Variants in STK3 observed in about 807,000 individuals in gnomAD.
STK3 encodes serine/threonine kinase 3.
Under a neutral mutation model 58.0 loss-of-function variants are expected in STK3, and 41 were observed. The ratio of observed to expected loss-of-function variants is 0.71; its 90% CI spans 0.55 to 0.92. The LOEUF is 0.92. Among genes scored for constraint, STK3 ranks in the 40% least tolerant of loss-of-function variants. The probability of loss-of-function intolerance (pLI) is 0.00; values close to 1 mark genes in which losing one functional copy is unlikely to be tolerated. For missense variants in STK3, 479 were observed against 602.7 expected (o/e 0.79, Z 2.15); for synonymous variants, 170 against 191.0 (o/e 0.89, Z 0.91).
rs796734211 is a variant in STK3 at position 98,935,890 on chromosome 8, GTTAT to G, written c.-79+6484_-79+6487del. Among the ~76,000 whole-genome samples the G allele has an allele frequency of 4.7e-4, 71 of 152,048 alleles. 1 individual carries two copies. The highest frequency in any genetic ancestry group is 1.4e-3 in the African/African-American group (60 of 41,494). Reference sequence around the variant, plus strand: ...ACTAAGAGCATTAATATGGATCCATGTTATTTATTTATTTATTTTTGTTTTTATT... The same window carrying G: ...ACTAAGAGCATTAATATGGATCCATGTTATTTATTTATTTTTGTTTTTATT... On this transcript the variant is annotated intron_variant, in intron 1 of 1. Coordinates refer to the STK3 transcript ENST00000519420.
chr8:98,537,778 CA>C (rs1809892092), intron 9 of STK3, among the ~76,000 whole-genome samples: 1 of 151,974 alleles, frequency 6.6e-6, no homozygotes, highest in African/African-American at 2.4e-5. Flanking sequence ...AACCTATTAG[CA>C]ATAAAGAATA....
At chr8:98,729,079 C>T (rs2131233997) in intron 4 of STK3, among the ~76,000 whole-genome samples, 1 of 152,178 alleles carries the variant, frequency 6.6e-6, no homozygotes, top group East Asian at 1.9e-4. Flanking sequence ...CACTGCTTGA[C>T]TCTTTTATTT....
At chr8:98,730,797 G>C (rs1481146413) in intron 4 of STK3, among the ~76,000 whole-genome samples, 2 of 150,462 alleles carry the variant, frequency 1.3e-5, no homozygotes, top group Non-Finnish European at 3.0e-5. Flanking sequence ...GGGTACTCTT[G>C]AATCAGAATA....
In STK3 at chr8:98,926,287, C is replaced by G. The variant is rs535221124; in HGVS notation, c.-79+16091G>C. Among the ~76,000 whole-genome samples, 302 of 152,236 alleles carry G rather than the reference C, an allele frequency of 2.0e-3. 1 individual carries two copies. The highest frequency in any genetic ancestry group is 6.9e-3 in the African/African-American group (288 of 41,528). On this transcript the variant is annotated intron_variant, in intron 1 of 1. Transcript: ENST00000519420. Reference sequence around the variant, plus strand: ...AGATCACATTTGCAGCTGCTTTTATCTGCTCTTTAGAAGTTCTTATATTTG... The same window carrying G: ...AGATCACATTTGCAGCTGCTTTTATGTGCTCTTTAGAAGTTCTTATATTTG...
chr8:98,674,045 G>A (rs554241737), intron 6 of STK3, among the ~76,000 whole-genome samples: 60 of 152,120 alleles, frequency 3.9e-4, no homozygotes, highest in African/African-American at 1.4e-3. Context: ...CATCTACAAG[G>A]AACTCTCGCT....
At chr8:98,893,424 A>AAG (rs1564086930) in intron 1 of STK3, among the ~76,000 whole-genome samples, 1 of 52,068 alleles carries the variant, frequency 1.9e-5, no homozygotes. Flanking sequence ...GAAGGAAGGA[A>AAG]AGAAAGAAAG....
At chr8:98,883,636 C>A, downstream of STK3, 1 of 702,848 alleles carries the variant, frequency 1.4e-6, no homozygotes, top group South Asian at 1.5e-5. Context: ...TGCAACCAGG[C>A]ATTTCTTTAC....
chr8:98,493,232 C>A (rs76659415), intron 10 of STK3, among the ~76,000 whole-genome samples: 19 of 120,222 alleles, frequency 1.6e-4, no homozygotes, highest in East Asian at 4.7e-4. Flanking sequence ...GACCCTGTCT[C>A]AAAAAAAAAA....
chr8:98,818,538 A>ATG (rs72513007), intron 1 of STK3, among the ~76,000 whole-genome samples: 32,969 of 145,246 alleles, frequency 0.23, 3,660 homozygotes, highest in African/African-American at 0.3. Context: ...TAAATTATAA[A>ATG]TGTGTGTGTG....
chr8:98,776,752 TAAA>T (rs906260272), intron 1 of STK3, among the ~76,000 whole-genome samples: 1 of 128,172 alleles, frequency 7.8e-6, no homozygotes. Flanking sequence ...TATGTCAAGA[TAAA>T]AAAAAAAAAA....
intron 6 of STK3, among the ~76,000 whole-genome samples, chr8:98,599,532 G>A (rs914569276): frequency 4.6e-5 from 7 of 151,768 alleles, no homozygotes; most frequent in Non-Finnish European, 1.0e-4. Flanking sequence ...TCTTTACCAC[G>A]TATTAAAAAA....
chr8:98,719,517 A>G, intron 4 of STK3, among the ~76,000 whole-genome samples: 1 of 152,174 alleles, frequency 6.6e-6, no homozygotes, highest in Admixed American at 6.5e-5. Flanking sequence ...CACTGGACAA[A>G]TCCACAGCAA....
Position 98,857,161 on chromosome 8 carries a change from C to T in STK3, c.110+26486G>A, listed in dbSNP as rs369926534. 2.6e-5 allele frequency among the ~76,000 whole-genome samples: 4 copies of T among 152,084 alleles called. No homozygotes were observed. The East Asian group carries it at 7.7e-4, about 29-fold the overall frequency. On this transcript the variant is annotated intron_variant, in intron 3 of 12. Coordinates refer to the STK3 transcript ENST00000523601. The stretch of plus-strand genomic sequence containing the variant: ...CTATGGTAATGCACATATTTGTGAA[C>T]GTACTAAAGGCCACCGAATCACACA...
At chr8:98,783,348 A>T (rs1832237794) in intron 1 of STK3, among the ~76,000 whole-genome samples, 1 of 152,246 alleles carries the variant, frequency 6.6e-6, no homozygotes, top group Non-Finnish European at 1.5e-5. Flanking sequence ...TGCCCTGATG[A>T]TTGTTATGCA....
intron 3 of STK3, among the ~76,000 whole-genome samples, chr8:98,421,924 AGAG>A (rs1818179557): frequency 6.6e-6 from 1 of 152,326 alleles, no homozygotes; most frequent in South Asian, 2.1e-4. Context: ...AGGAGGCATC[AGAG>A]GAGGGAACTT....
At chr8:98,697,440 C>T (rs542883393) in intron 6 of STK3, among the ~76,000 whole-genome samples, 2,557 of 152,050 alleles carry the variant, frequency 0.017, 26 homozygotes, top group African/African-American at 0.033. Flanking sequence ...GTTCTTTTAA[C>T]TGTGATGTTA....
chr8:98,599,505 T>A (rs1437477226), intron 6 of STK3, among the ~76,000 whole-genome samples: 1 of 151,964 alleles, frequency 6.6e-6, no homozygotes, highest in Non-Finnish European at 1.5e-5. Flanking sequence ...GTACTGGGTA[T>A]AAAAAGACCC....
intron 6 of STK3, among the ~76,000 whole-genome samples, chr8:98,628,072 C>A (rs897771822): frequency 6.6e-6 from 1 of 152,196 alleles, no homozygotes; most frequent in Non-Finnish European, 1.5e-5. Context: ...TCTCTAGTTT[C>A]TCCTTTAATA....
chr8:98,893,737 G>A (rs534008584), intron 1 of STK3, among the ~76,000 whole-genome samples: 18 of 152,196 alleles, frequency 1.2e-4, no homozygotes, highest in African/African-American at 3.9e-4. Flanking sequence ...TGAAGTACCC[G>A]CACTTGGCCT....
Sources: allele counts gnomAD v4.1 joint callset (sites outside exome capture counted in the v4.1 genomes callset), GRCh38; gene constraint gnomAD v4.1.1; transcripts MANE v1.5; gene names NCBI Gene and HGNC (gene_info 2026-07-23, HGNC 2026-07-21).